GPATCH8: variants seen among roughly 807,000 people sequenced by gnomAD.
The protein encoded by GPATCH8 is G patch domain-containing protein 8.
In GPATCH8, 18 loss-of-function variants were observed where a neutral mutation model predicts 118.3. The observed-to-expected ratio is 0.15, with a 90% CI of 0.11 to 0.23. The LOEUF (loss-of-function observed/expected upper bound fraction) is 0.23. Among genes scored for constraint, GPATCH8 ranks in the 10% least tolerant of loss-of-function variants. The pLI, the probability that GPATCH8 is intolerant of heterozygous loss-of-function variation, is 1.00. For synonymous variants in GPATCH8, 659 were observed against 684.7 expected, an observed-to-expected ratio of 0.96 and a Z score of 0.59; for missense variants, 1,631 against 1,873.8, an observed-to-expected ratio of 0.87 and a Z score of 2.39.
At chr17:44,429,868 A>C (rs1046231031) in intron 5 of GPATCH8, among the ~76,000 whole-genome samples, 1 of 151,658 alleles carries the variant, frequency 6.6e-6, no homozygotes, top group Admixed American at 6.6e-5. Context: ...CGTCTAAAAA[A>C]AAAAAACAAA....
intron 2 of GPATCH8, among the ~76,000 whole-genome samples, chr17:44,468,274 A>G (rs544585432): frequency 6.6e-6 from 1 of 152,008 alleles, no homozygotes; most frequent in Admixed American, 6.6e-5. Context: ...CGACTGGTCC[A>G]TGGATGCTAT....
chr17:44,485,061 G>A (rs1159879947), intron 1 of GPATCH8, among the ~76,000 whole-genome samples: 4 of 151,744 alleles, frequency 2.6e-5, no homozygotes, highest in African/African-American at 4.8e-5. Flanking sequence ...GAGATCGCCC[G>A]CCTCAGCCTC....
chr17:44,484,283 C>G (rs1568058352), intron 1 of GPATCH8, among the ~76,000 whole-genome samples: 1 of 152,094 alleles, frequency 6.6e-6, no homozygotes, highest in Non-Finnish European at 1.5e-5. Flanking sequence ...CATGCGCAGC[C>G]CAGAAATTTA....
At position 44,405,914 on chromosome 17, in the gene GPATCH8, T is replaced by A. The variant is rs200427834; in HGVS notation, c.623+7A>T. 1.9e-6 allele frequency: 3 copies of A among 1,598,902 alleles called. No homozygotes were observed. The highest frequency in any genetic ancestry group is 2.6e-6 in the Non-Finnish European group (3 of 1,166,152). ...CTGTACAACCCTCTGATAAAAAATATCCTCACCATTCAGCTTGTTTTCTTT... is the reference window on the plus strand; with the variant it reads ...CTGTACAACCCTCTGATAAAAAATAACCTCACCATTCAGCTTGTTTTCTTT... On this transcript the variant is annotated splice_region_variant and intron_variant, in intron 7 of 7. Transcript: ENST00000591680.
chr17:44,452,084 A>G (rs1191739741), intron 3 of GPATCH8, among the ~76,000 whole-genome samples: 1 of 151,978 alleles, frequency 6.6e-6, no homozygotes, highest in African/African-American at 2.4e-5. Context: ...CAGTCTGGCC[A>G]ACATAGTGAA....
Position 44,399,196 on chromosome 17 carries a change from G to A in GPATCH8, c.2881C>T (p.Arg961Cys), listed in dbSNP as rs201699487. The change falls in exon 8 of 8, where the codon CGC becomes TGC. Residue 961 changes from arginine to cysteine, a missense_variant. Transcript: ENST00000591680. ...RERSRSRGRS[R>C]SSSCSRSRSK... ...CGACTACGACTACAACTGCTGCTGC[G>A]GCTGCGGCCCCGGGATCTTGAGCGC... 48 of 1,613,418 alleles carry A rather than the reference G, an allele frequency of 3.0e-5. No individual in the cohort carries two copies. The Admixed American group carries it at 5.3e-4, about 18-fold the overall frequency.
chr17:44,496,361 CTA>C (rs1338306842), intron 1 of GPATCH8, among the ~76,000 whole-genome samples: 2 of 152,154 alleles, frequency 1.3e-5, no homozygotes, highest in African/African-American at 4.8e-5. Flanking sequence ...TCAGAAAACT[CTA>C]TGACTTTTTT....
intron 6 of GPATCH8, among the ~76,000 whole-genome samples, chr17:44,416,979 G>A (rs572867439): frequency 1.3e-4 from 20 of 152,214 alleles, no homozygotes; most frequent in Non-Finnish European, 2.4e-4. Flanking sequence ...AAAGAAGAGG[G>A]AGGCTAAAAG....
At chr17:44,452,272 C>CAAAA (rs1187689963) in intron 3 of GPATCH8, among the ~76,000 whole-genome samples, 2 of 43,522 alleles carry the variant, frequency 4.6e-5, no homozygotes, top group African/African-American at 6.4e-5. Flanking sequence ...CACTCCGTCT[C>CAAAA]AAAAAAAAAA....
chr17:44,424,180 T>G (rs1291357453), intron 6 of GPATCH8, among the ~76,000 whole-genome samples, 169 bp downstream of exon 6: 1 of 152,210 alleles, frequency 6.6e-6, no homozygotes, highest in African/African-American at 2.4e-5. Context: ...GTGGTGTCTA[T>G]GTCAGGATTT....
intron 2 of GPATCH8, among the ~76,000 whole-genome samples, chr17:44,469,672 T>C (rs1378719497): frequency 6.6e-6 from 1 of 152,176 alleles, no homozygotes; most frequent in Non-Finnish European, 1.5e-5. Context: ...TTAAAGACTA[T>C]AAGCAAGAAC....
chr17:44,458,255 GAAAA>G (rs542843854), intron 3 of GPATCH8, among the ~76,000 whole-genome samples: 4 of 74,916 alleles, frequency 5.3e-5, no homozygotes, highest in South Asian at 5.1e-4. Context: ...TGTCTCAAAG[GAAAA>G]AAAAAAAAAA....
In GPATCH8 at chr17:44,489,263, T is replaced by C. The variant is rs7212035; in HGVS notation, c.45+14063A>G. Among the ~76,000 whole-genome samples the C allele has an allele frequency of 4.2e-3, 636 of 152,070 alleles. 2 individuals carry two copies. The highest frequency in any genetic ancestry group is 0.014 in the African/African-American group (595 of 41,502). ...ACTCTGTGAAAGAACCACCATGCAA[T>C]TGGAAATAGTGGGGTTGTCTTTGGG... On this transcript the variant is annotated intron_variant, in intron 1 of 7. Coordinates refer to ENST00000591680, the MANE Select transcript of GPATCH8 (RefSeq NM_001002909.4).
At chr17:44,483,189 A>G (rs1275549525) in intron 1 of GPATCH8, among the ~76,000 whole-genome samples, 1 of 50,236 alleles carries the variant, frequency 2.0e-5, no homozygotes, top group East Asian at 6.3e-4. Context: ...ATATATATAT[A>G]TATATATATA....
At chr17:44,414,072 T>C (rs2143792147) in intron 6 of GPATCH8, among the ~76,000 whole-genome samples, 1 of 147,044 alleles carries the variant, frequency 6.8e-6, no homozygotes, top group South Asian at 2.1e-4. Context: ...TATATATATA[T>C]ATATATATGT....
At chr17:44,401,946 G>C (rs1292955985) in intron 7 of GPATCH8, among the ~76,000 whole-genome samples, 1 of 151,520 alleles carries the variant, frequency 6.6e-6, no homozygotes, top group African/African-American at 2.4e-5. Flanking sequence ...GGAGGTTGCA[G>C]TGAGCCAAGA....
Position 44,397,071 on chromosome 17 carries a change from A to C in GPATCH8, c.*497T>G, listed in dbSNP as rs767294512. Reference sequence around the variant, plus strand: ...AACGTAACGTCACCAAAGATGGTCAAAGATACTACCCCAAAATGGTGGCAC... The same window carrying C: ...AACGTAACGTCACCAAAGATGGTCACAGATACTACCCCAAAATGGTGGCAC... On this transcript the variant is annotated 3_prime_UTR_variant, in exon 8 of 8. Coordinates refer to ENST00000591680, the MANE Select transcript of GPATCH8 (RefSeq NM_001002909.4). 2.2e-6 allele frequency: 1 copy of C among 454,246 alleles called. No homozygotes were observed. The highest frequency in any genetic ancestry group is 4.4e-6 in the Non-Finnish European group (1 of 226,980). 28.1% of individuals were successfully genotyped at this position (454,246 alleles called of 1,614,324 possible). A position where few individuals can be genotyped will look rare whatever the true frequency, so the allele number is the denominator to read the frequency against.
chr17:44,432,833 G>T (rs890172655), intron 5 of GPATCH8, among the ~76,000 whole-genome samples: 1 of 152,108 alleles, frequency 6.6e-6, no homozygotes, highest in Non-Finnish European at 1.5e-5. Context: ...GGGTTTCGGA[G>T]TAAATATTTT....
chr17:44,432,305 C>T (rs749825897), intron 5 of GPATCH8, among the ~76,000 whole-genome samples: 2 of 151,948 alleles, frequency 1.3e-5, no homozygotes, highest in African/African-American at 2.4e-5. Flanking sequence ...GGATAGTATA[C>T]GTAGATGAAG....
Sources: gnomAD v4.1 joint callset for allele counts (sites outside exome capture counted in the v4.1 genomes callset) on GRCh38, gnomAD v4.1.1 for gene constraint, MANE v1.5 for transcripts, NCBI Gene and HGNC (gene_info 2026-07-23, HGNC 2026-07-21) for gene names.